Variants in NRG1 observed in about 807,000 individuals in gnomAD.
The protein encoded by NRG1 is pro-neuregulin-1, membrane-bound isoform.
NRG1 carries 18 observed loss-of-function variants against 63.8 expected under a neutral mutation model. That is an observed-to-expected ratio of 0.28 (90% CI 0.19 to 0.42). The LOEUF is 0.42. Ranked by LOEUF, NRG1 falls within the 10% of genes least tolerant of loss-of-function variation. The pLI, the probability that NRG1 is intolerant of heterozygous loss-of-function variation, is 1.00. For missense variants in NRG1, 762 were observed against 814.7 expected, an observed-to-expected ratio of 0.94 and a Z score of 0.79; for synonymous variants, 302 against 301.3, an observed-to-expected ratio of 1.00 and a Z score of -0.02.
chr8:32,011,263 A>G lies in NRG1; in HGVS notation c.37+371832A>G, dbSNP rs549685027. Among the ~76,000 whole-genome samples the G allele has an allele frequency of 1.0e-3, 159 of 152,222 alleles. 1 individual carries two copies. Among genetic ancestry groups the G allele is most frequent in the African/African-American group, 3.8e-3 (158 of 41,566 alleles). ...AGGTATTTTTCAAATGAGGACCACA[A>G]ACATTCAAGTATTAGGTTTTCTTAC... On this transcript the variant is annotated intron_variant, in intron 1 of 10. Coordinates refer to the NRG1 transcript ENST00000519301.
chr8:32,378,442 C>A (rs1809901991), intron 1 of NRG1, among the ~76,000 whole-genome samples: 1 of 152,024 alleles, frequency 6.6e-6, no homozygotes, highest in Non-Finnish European at 1.5e-5. Context: ...AGCAATAATA[C>A]AGGATTAGGA....
intron 1 of NRG1, among the ~76,000 whole-genome samples, chr8:31,859,024 C>CTCCTGG (rs1828222141): frequency 1.3e-5 from 2 of 152,132 alleles, no homozygotes; most frequent in Non-Finnish European, 2.9e-5. Flanking sequence ...CAGAAATAAA[C>CTCCTGG]AAACTTATTT....
chr8:32,527,965 G>T (rs1415577702), intron 1 of NRG1, among the ~76,000 whole-genome samples: 1 of 152,150 alleles, frequency 6.6e-6, no homozygotes, highest in Non-Finnish European at 1.5e-5. Context: ...GGTCATGGTT[G>T]TCTCTTGCCT....
chr8:32,649,430 T>A (rs1044830935), intron 5 of NRG1, among the ~76,000 whole-genome samples: 10 of 152,226 alleles, frequency 6.6e-5, no homozygotes, highest in Non-Finnish European at 1.0e-4. Context: ...TATCACTTTT[T>A]ACCATGAGGA....
At chr8:32,367,277 T>C (rs112641597) in intron 1 of NRG1, among the ~76,000 whole-genome samples, 1 of 152,206 alleles carries the variant, frequency 6.6e-6, no homozygotes, top group Non-Finnish European at 1.5e-5. Context: ...AGTTCCTTTT[T>C]CCTTTTTCCA....
At chr8:32,485,608 G>A (rs1202048169) in intron 1 of NRG1, among the ~76,000 whole-genome samples, 1 of 152,134 alleles carries the variant, frequency 6.6e-6, no homozygotes, top group East Asian at 1.9e-4. Context: ...GAAGTAGGTG[G>A]GAGAAAGGAA....
At chr8:32,131,804 T>A (rs527750545) in intron 1 of NRG1, among the ~76,000 whole-genome samples, 1 of 152,168 alleles carries the variant, frequency 6.6e-6, no homozygotes, top group South Asian at 2.1e-4. Flanking sequence ...TAGTACACAA[T>A]GATAATCATT....
At chr8:32,165,140 ATT>A (rs112228510) in intron 1 of NRG1, among the ~76,000 whole-genome samples, 2 of 141,864 alleles carry the variant, frequency 1.4e-5, no homozygotes. Flanking sequence ...TATTGCCCTT[ATT>A]TTTTTTTTTT....
Position 31,960,983 on chromosome 8 carries a change from T to C in NRG1, c.37+321552T>C, listed in dbSNP as rs527705404. Among the ~76,000 whole-genome samples, 5 of 152,380 alleles carry C rather than the reference T, an allele frequency of 3.3e-5. No individual in the cohort carries two copies. The East Asian group carries it at 9.6e-4, about 29-fold the overall frequency. ...TAGTAGGTGTCTAATGATATGCCTG[T>C]CAATGAAACTTTAGAGATGACTTTC... On this transcript the variant is annotated intron_variant, in intron 1 of 10. Coordinates refer to the NRG1 transcript ENST00000519301.
intron 1 of NRG1, among the ~76,000 whole-genome samples, chr8:32,580,295 A>T (rs969138112): frequency 6.6e-6 from 1 of 152,202 alleles, no homozygotes; most frequent in African/African-American, 2.4e-5. Flanking sequence ...ATCAGGATTT[A>T]GGATCTTTGG....
chr8:32,018,540 T>C (rs1815929879), intron 1 of NRG1, among the ~76,000 whole-genome samples: 1 of 152,252 alleles, frequency 6.6e-6, no homozygotes, highest in African/African-American at 2.4e-5. Flanking sequence ...ATGTACTCTT[T>C]GTATCTTATT....
rs531131676 is a variant in NRG1, at chr8:31,890,247, G to A, written c.37+250816G>A. Reference sequence around the variant, plus strand: ...CTAGAGAAAATAGAAATGGTTTAGAGAAGAGATCTTTTCAAGATATCTACC... The same window carrying A: ...CTAGAGAAAATAGAAATGGTTTAGAAAAGAGATCTTTTCAAGATATCTACC... On this transcript the variant is annotated intron_variant, in intron 1 of 10. Transcript: ENST00000519301. Among the ~76,000 whole-genome samples, 25 of 152,302 alleles carry A rather than the reference G, an allele frequency of 1.6e-4. 1 individual carries two copies. In the South Asian group the frequency reaches 3.9e-3, roughly 24 times the overall value.
intron 1 of NRG1, among the ~76,000 whole-genome samples, chr8:31,722,479 T>C (rs1813019112): frequency 1.3e-5 from 2 of 152,152 alleles, no homozygotes; most frequent in Admixed American, 6.6e-5. Flanking sequence ...ATCATAGTAT[T>C]GTTTGCAAAG....
At chr8:32,218,858 G>A (rs1845519633) in intron 1 of NRG1, among the ~76,000 whole-genome samples, 1 of 152,140 alleles carries the variant, frequency 6.6e-6, no homozygotes, top group Non-Finnish European at 1.5e-5. Context: ...ATCTCAGGGA[G>A]CAAAGGCAGG....
chr8:32,444,161 C>G (rs1450799870), intron 1 of NRG1, among the ~76,000 whole-genome samples: 2 of 151,696 alleles, frequency 1.3e-5, no homozygotes, highest in African/African-American at 4.9e-5. Context: ...CTTTGTCACC[C>G]AGGCAGAAGG....
intron 1 of NRG1, among the ~76,000 whole-genome samples, chr8:32,137,582 C>G (rs1028384797): frequency 1.3e-5 from 2 of 152,070 alleles, no homozygotes; most frequent in Admixed American, 6.6e-5. Flanking sequence ...CGTGAGATTC[C>G]AAGTATTTGA....
chr8:32,152,746 T>C (rs933862997), intron 1 of NRG1, among the ~76,000 whole-genome samples: 1 of 152,186 alleles, frequency 6.6e-6, no homozygotes. Context: ...ATCACATGAA[T>C]TCATCTACTA....
intron 1 of NRG1, among the ~76,000 whole-genome samples, chr8:32,160,891 A>C (rs76761088): frequency 6.6e-6 from 1 of 152,200 alleles, no homozygotes; most frequent in Non-Finnish European, 1.5e-5. Flanking sequence ...AAATTCCCGT[A>C]GAAAAGCCTT....
chr8:31,938,608 C>T (rs901563297), intron 1 of NRG1, among the ~76,000 whole-genome samples: 4 of 152,078 alleles, frequency 2.6e-5, no homozygotes, highest in South Asian at 2.1e-4. Context: ...TTATTAAGCT[C>T]ATCAAGGAGG....
Sources: gnomAD v4.1 joint callset for allele counts (sites outside exome capture counted in the v4.1 genomes callset) on GRCh38, gnomAD v4.1.1 for gene constraint, MANE v1.5 for transcripts, NCBI Gene and HGNC (gene_info 2026-07-23, HGNC 2026-07-21) for gene names.